The following KALRN variants were observed in gnomAD, a reference collection of about 807,000 sequenced individuals.
KALRN encodes the protein kalirin RhoGEF kinase.
KALRN carries 70 observed loss-of-function variants against 353.7 expected under a neutral mutation model. The ratio of observed to expected loss-of-function variants is 0.20; its 90% CI spans 0.16 to 0.24. KALRN has a LOEUF of 0.24. KALRN is among the 10% of genes least tolerant of loss of function. The pLI is 1.00. For synonymous variants in KALRN, 1,391 were observed against 1,434.8 expected (o/e 0.97, Z 0.69); for missense variants, 2,791 against 3,756.7 (o/e 0.74, Z 6.72).
chr3:124,152,330 AG>A (rs1245604307), intron 1 of KALRN: 1 of 1,228,296 alleles, frequency 8.1e-7, no homozygotes, highest in Non-Finnish European at 1.2e-6. Flanking sequence ...AGCTTCACAA[AG>A]GTTCCATTGA....
chr3:124,100,550 C>G (rs1465235438), intron 1 of KALRN: 2 of 152,170 alleles, frequency 1.3e-5, no homozygotes, highest in African/African-American at 4.8e-5. Context: ...AGACCAGAAA[C>G]TATGAAATTG....
At position 124,193,212 on chromosome 3, in the gene KALRN, C is replaced by T. The variant is rs116290935; in HGVS notation, c.74-34778C>T. ...TTGGCTGCTGGCAGAGTTTAGCCAG[C>T]GGAAAGCCCTGTTGGGAGATTGAAG... On this transcript the variant is annotated intron_variant, in intron 1 of 59. Coordinates refer to ENST00000682506, the MANE Select transcript of KALRN (RefSeq NM_001388419.1). Among the ~76,000 whole-genome samples the T allele has an allele frequency of 6.5e-3, 988 of 152,168 alleles. 1 individual carries two copies. Among genetic ancestry groups the T allele is most frequent in the Non-Finnish European group, 0.011 (716 of 68,016 alleles).
At chr3:124,497,002 C>T (rs1001728188) in intron 33 of KALRN, among the ~76,000 whole-genome samples, 13 of 152,088 alleles carry the variant, frequency 8.5e-5, no homozygotes, top group African/African-American at 2.4e-4. Flanking sequence ...AAGTGGTATA[C>T]GAAGGGTGTA....
chr3:124,596,661 G>A (rs1276584858), intron 34 of KALRN, among the ~76,000 whole-genome samples: 1 of 152,154 alleles, frequency 6.6e-6, no homozygotes, highest in Non-Finnish European at 1.5e-5. Context: ...TCTTCATAGG[G>A]TTTTTGCAAG....
intron 5 of KALRN, among the ~76,000 whole-genome samples, chr3:124,286,490 A>T (rs1258409021): frequency 1.3e-5 from 2 of 152,018 alleles, no homozygotes; most frequent in Non-Finnish European, 2.9e-5. Flanking sequence ...TGACCTTGTG[A>T]TCTGTCTGCC....
intron 1 of KALRN, chr3:124,094,766 C>T (rs1269971162): frequency 1.5e-6 from 2 of 1,333,780 alleles, no homozygotes; most frequent in Non-Finnish European, 2.2e-6. Flanking sequence ...TGATTCCGGC[C>T]TCCTCGAGTC....
intron 1 of KALRN, among the ~76,000 whole-genome samples, chr3:124,068,763 T>C (rs1293902070): frequency 6.6e-5 from 10 of 152,054 alleles, no homozygotes; most frequent in Non-Finnish European, 1.5e-4. Context: ...TGGGGACATA[T>C]CAGTTTTACA....
At chr3:124,413,371 G>A (rs1480705687) in intron 13 of KALRN, 99 bp from the exon 14 acceptor site, 1 of 941,958 alleles carries the variant, frequency 1.1e-6, no homozygotes, top group East Asian at 2.6e-5. Context: ...ACTTAACTGA[G>A]GGGTGGATTC....
At chr3:124,255,076 G>A (rs1003071362) in intron 3 of KALRN, among the ~76,000 whole-genome samples, 1 of 152,090 alleles carries the variant, frequency 6.6e-6, no homozygotes, top group South Asian at 2.1e-4. Flanking sequence ...CTCTTGAGTA[G>A]CTGGGATTAC....
intron 1 of KALRN, among the ~76,000 whole-genome samples, chr3:124,113,856 A>T (rs1578203820): frequency 6.6e-6 from 1 of 152,246 alleles, no homozygotes; most frequent in South Asian, 2.1e-4. Context: ...AGGCGTCAGC[A>T]TCGATAAATC....
chr3:124,446,360 C>A, intron 20 of KALRN, 84 bp downstream of exon 20: 1 of 964,776 alleles, frequency 1.0e-6, no homozygotes, highest in South Asian at 1.6e-5. Context: ...AGAAGAGGGC[C>A]ACAGCAGCAG....
chr3:124,338,964 T>A (rs1445437732), intron 9 of KALRN, among the ~76,000 whole-genome samples: 6 of 152,220 alleles, frequency 3.9e-5, no homozygotes, highest in Non-Finnish European at 8.8e-5. Context: ...TAAAATCATC[T>A]GGGCAGAGTG....
chr3:124,543,304 CT>C lies in KALRN; in HGVS notation c.4936-19524del, dbSNP rs869114594. 5.6e-3 allele frequency among the ~76,000 whole-genome samples: 800 copies of C among 141,780 alleles called. 1 individual carries two copies. The highest frequency in any genetic ancestry group is 7.7e-3 in the African/African-American group (298 of 38,934). The allele number at this position is 141,780 out of a possible 152,430, so 93.0% of individuals were successfully genotyped here. A position where few individuals can be genotyped will look rare whatever the true frequency, so the allele number is the denominator to read the frequency against. ...GTGAGGTATTAAAAAAATTTACGGA[CT>C]TTTTTTTTTTTTTTGAGACGGAATC... On this transcript the variant is annotated intron_variant, in intron 33 of 59. Transcript: ENST00000682506.
chr3:124,507,811 A>G (rs2065401155), intron 33 of KALRN, among the ~76,000 whole-genome samples: 1 of 152,254 alleles, frequency 6.6e-6, no homozygotes, highest in African/African-American at 2.4e-5. Flanking sequence ...GATGAGATAC[A>G]CATTTACCAC....
At chr3:124,549,035 T>G (rs1306668085) in intron 33 of KALRN, among the ~76,000 whole-genome samples, 4 of 152,218 alleles carry the variant, frequency 2.6e-5, no homozygotes, top group African/African-American at 9.7e-5. Flanking sequence ...GGAACTGAAC[T>G]GAGTGTTCTA....
At chr3:124,535,806 T>C (rs1232902086) in intron 33 of KALRN, among the ~76,000 whole-genome samples, 1 of 152,134 alleles carries the variant, frequency 6.6e-6, no homozygotes, top group Non-Finnish European at 1.5e-5. Flanking sequence ...ACATAACAGA[T>C]AACTGCAGGT....
At chr3:124,552,734 T>A (rs142236776) in intron 33 of KALRN, among the ~76,000 whole-genome samples, 56 of 152,320 alleles carry the variant, frequency 3.7e-4, no homozygotes, top group African/African-American at 1.3e-3. Flanking sequence ...TCAAGATATG[T>A]CATTAAGGGT....
chr3:124,688,892 C>T (rs1457919987), intron 51 of KALRN, among the ~76,000 whole-genome samples: 1 of 152,210 alleles, frequency 6.6e-6, no homozygotes. Context: ...TTCCTCTTAC[C>T]TGACTGCCCT....
At chr3:124,645,904 GTC>G (rs34356260) in intron 37 of KALRN, among the ~76,000 whole-genome samples, 43,712 of 151,726 alleles carry the variant, frequency 0.29, 6,466 homozygotes, top group East Asian at 0.44. Context: ...GTCTACATAA[GTC>G]TACATTCCCA....
Sources: allele counts gnomAD v4.1 joint callset (sites outside exome capture counted in the v4.1 genomes callset), GRCh38; gene constraint gnomAD v4.1.1; transcripts MANE v1.5; gene names NCBI Gene and HGNC (gene_info 2026-07-23, HGNC 2026-07-21).